Variants in AGFG2 observed in about 807,000 individuals in gnomAD.
The protein encoded by AGFG2 is ArfGAP with FG repeats 2, also known as arf-GAP domain and FG repeat-containing protein 2.
In AGFG2, 31 loss-of-function variants were observed where a neutral mutation model predicts 48.0. That is an observed-to-expected ratio of 0.65 (90% CI 0.49 to 0.87). The LOEUF (loss-of-function observed/expected upper bound fraction) is 0.87. Ranked by LOEUF, AGFG2 falls within the 40% of genes least tolerant of loss-of-function variation. The probability of loss-of-function intolerance (pLI) is 0.00; values close to 1 mark genes in which losing one functional copy is unlikely to be tolerated. For synonymous variants in AGFG2, 229 were observed against 260.8 expected, an observed-to-expected ratio of 0.88 and a Z score of 1.18; for missense variants, 599 against 632.6, an observed-to-expected ratio of 0.95 and a Z score of 0.57.
At chr7:100,548,797 C>G (rs761360841) in intron 1 of AGFG2, 25 bp from the exon 2 acceptor site, 1 of 1,580,854 alleles carries the variant, frequency 6.3e-7, no homozygotes. Flanking sequence ...TTATACTTCT[C>G]TTTCTTCCTG....
Position 100,539,574 on chromosome 7 carries a change from G to T in AGFG2, c.221+7G>T. 9.1e-7 allele frequency: 1 copy of T among 1,097,206 alleles called. No homozygotes were observed. The highest frequency in any genetic ancestry group is 4.1e-5 in the South Asian group (1 of 24,460). The allele number at this position is 1,097,206 out of a possible 1,614,324, so 68.0% of individuals were successfully genotyped here. On this transcript the variant is annotated splice_region_variant and intron_variant, in intron 1 of 11. Coordinates refer to ENST00000300176, the MANE Select transcript of AGFG2 (RefSeq NM_006076.5). ...CCACCTGCTCCGGCCTCCTGTGAGT[G>T]ACCGGGAGGGAGTGGCCGAGGTCGG...
chr7:100,551,322 G>T (rs1186902290), intron 3 of AGFG2, among the ~76,000 whole-genome samples: 10 of 150,922 alleles, frequency 6.6e-5, no homozygotes, highest in Non-Finnish European at 7.4e-5. Context: ...GCCCACCTTG[G>T]CTCCCAAAGT....
intron 6 of AGFG2, among the ~76,000 whole-genome samples, chr7:100,560,240 T>G (rs1800837605): frequency 6.6e-6 from 1 of 151,522 alleles, no homozygotes; most frequent in Admixed American, 6.6e-5. Context: ...GTGCAGTGGC[T>G]CAATCTTGGC....
chr7:100,559,627 G>A (rs1399813487), intron 6 of AGFG2, among the ~76,000 whole-genome samples: 2 of 151,878 alleles, frequency 1.3e-5, no homozygotes, highest in Admixed American at 1.3e-4. Context: ...GACCAGCCTG[G>A]GCAACATGGC....
chr7:100,549,495 A>G (rs1039714338), intron 2 of AGFG2, among the ~76,000 whole-genome samples: 2 of 152,170 alleles, frequency 1.3e-5, no homozygotes, highest in South Asian at 4.1e-4. Context: ...TTAATTCTCC[A>G]TAATTCTCAT....
chr7:100,564,110 C>T (rs1800945182), intron 10 of AGFG2, 108 bp from the exon 11 acceptor site: 2 of 1,523,578 alleles, frequency 1.3e-6, no homozygotes, highest in Middle Eastern at 2.2e-4. Context: ...CGCCCGGGTA[C>T]TTCCACTGCT....
Position 100,554,204 on chromosome 7 carries a change from C to A in AGFG2, c.697C>A (p.Pro233Thr). The part of the protein sequence containing the change: ...TDLLADIGGD[P>T]FAAPQMAPAF... ...CCTGCTGGCTGACATCGGTGGAGAC[C>A]CCTTTGCTGCACCCCAGATGGCACC... Residue 233 changes from proline (P) to threonine (T), a missense_variant, in exon 5 of 12, where the codon CCC (proline) becomes ACC (threonine). Physicochemically the swap from Pro to Thr is conservative, Grantham distance 38. Transcript: ENST00000300176. 1 of 1,614,166 alleles carries A rather than the reference C, an allele frequency of 6.2e-7. No homozygotes were observed. The highest frequency in any genetic ancestry group is 8.5e-7 in the Non-Finnish European group (1 of 1,180,020).
chr7:100,554,702 A>G (rs930977602), intron 5 of AGFG2, among the ~76,000 whole-genome samples: 1 of 152,060 alleles, frequency 6.6e-6, no homozygotes, highest in Non-Finnish European at 1.5e-5. Context: ...TGAGAGGCTG[A>G]GGTGGGCAGA....
chr7:100,564,899 C>G, intron 11 of AGFG2, 33 bp from the exon 12 acceptor site: 1 of 1,610,834 alleles, frequency 6.2e-7, no homozygotes, highest in Non-Finnish European at 8.5e-7. Context: ...TTCCTCTCCC[C>G]TAACTGGAAA....
At chr7:100,557,848 T>C (rs1274644717) in intron 6 of AGFG2, among the ~76,000 whole-genome samples, 2 of 152,208 alleles carry the variant, frequency 1.3e-5, no homozygotes, top group Non-Finnish European at 2.9e-5. Context: ...CATAAAGTAT[T>C]TTTAAAATTC....
In AGFG2 at chr7:100,565,902, T is replaced by C. The variant is rs1461618813; in HGVS notation, c.*911T>C. ...CAATTGCCTGGTCTTTTTTTTTTTT[T>C]TTTTTTCTCCATGTGCCTCCCTGTC... On this transcript the variant is annotated 3_prime_UTR_variant, in exon 12 of 12. Coordinates refer to ENST00000300176, the MANE Select transcript of AGFG2 (RefSeq NM_006076.5). 6.6e-6 allele frequency: 1 copy of C among 151,570 alleles called. No individual in the cohort carries two copies. Among genetic ancestry groups the C allele is most frequent in the Non-Finnish European group, 1.5e-5 (1 of 67,756 alleles). 9.4% of individuals were successfully genotyped at this position (151,570 alleles called of 1,614,324 possible).
chr7:100,555,526 G>T, intron 5 of AGFG2, 84 bp from the exon 6 acceptor site: 1 of 1,487,512 alleles, frequency 6.7e-7, no homozygotes, highest in Non-Finnish European at 9.2e-7. Flanking sequence ...GCCCACCTCG[G>T]CCTCCCAAAG....
At chr7:100,548,740 C>T in intron 1 of AGFG2, 82 bp from the exon 2 acceptor site, 1 of 1,040,614 alleles carries the variant, frequency 9.6e-7, no homozygotes, top group Non-Finnish European at 1.5e-6. Context: ...TTCACCCTTT[C>T]TCCCTCCTCC....
intron 6 of AGFG2, chr7:100,556,489 C>A: frequency 1.0e-6 from 1 of 979,412 alleles, no homozygotes; most frequent in Non-Finnish European, 1.4e-6. Flanking sequence ...AGGGCAGCTG[C>A]AGTGCTCGCC....
intron 1 of AGFG2, 125 bp from the exon 2 acceptor site, chr7:100,548,697 G>T (rs1159707438): frequency 1.5e-6 from 1 of 649,332 alleles, no homozygotes; most frequent in Admixed American, 2.5e-5. Flanking sequence ...CAGATGGGGG[G>T]GTTCTATCTG....
At chr7:100,544,741 C>A (rs954987210) in intron 1 of AGFG2, among the ~76,000 whole-genome samples, 1 of 8,350 alleles carries the variant, frequency 1.2e-4, no homozygotes, top group Non-Finnish European at 2.6e-4. Context: ...GGGTGGTGGG[C>A]GGGGGGGTGG....
At position 100,564,100 on chromosome 7, in the gene AGFG2, C is replaced by T. The variant is rs1045502399; in HGVS notation, c.1301-118C>T. The T allele has an allele frequency of 1.8e-5, 28 of 1,525,378 alleles. No individual in the cohort carries two copies. The African/African-American group carries it at 2.0e-4, about 11-fold the overall frequency. 94.5% of individuals were successfully genotyped at this position (1,525,378 alleles called of 1,614,324 possible). ...GGGGGGACCAGGGAAGCACCAGACC[C>T]GCCCGGGTACTTCCACTGCTCTGTT... On this transcript the variant is annotated intron_variant, in intron 10 of 11. Coordinates refer to ENST00000300176, the MANE Select transcript of AGFG2 (RefSeq NM_006076.5).
At chr7:100,552,974 C>A (rs746648802) in intron 3 of AGFG2, among the ~76,000 whole-genome samples, 10 of 152,096 alleles carry the variant, frequency 6.6e-5, no homozygotes, top group Non-Finnish European at 1.2e-4. Flanking sequence ...CATAGTGAGA[C>A]CTCTTCTCTA....
rs1337272611 is a variant in AGFG2, at chr7:100,567,825, T to A, written c.*2834T>A. 6.6e-6 allele frequency: 1 copy of A among 152,252 alleles called. No homozygotes were observed. Among genetic ancestry groups the A allele is most frequent in the Non-Finnish European group, 1.5e-5 (1 of 68,050 alleles). 9.4% of individuals were successfully genotyped at this position (152,252 alleles called of 1,614,324 possible). ...TTGAGGTTCTGCCACTTCCTGTCCC[T>A]GGGGAGCCACTCAAGTTACCAGGGC... On this transcript the variant is annotated 3_prime_UTR_variant, in exon 12 of 12. Transcript: ENST00000300176.
Sources: gnomAD v4.1 joint callset for allele counts (sites outside exome capture counted in the v4.1 genomes callset) on GRCh38, gnomAD v4.1.1 for gene constraint, MANE v1.5 for transcripts, NCBI Gene and HGNC (gene_info 2026-07-23, HGNC 2026-07-21) for gene names.